Variants in GJB7 observed in about 807,000 individuals in gnomAD.
The protein encoded by GJB7 is gap junction beta-7 protein.
For synonymous variants in GJB7, 87 were observed against 95.2 expected (o/e 0.91, Z 0.50); for missense variants, 253 against 256.8 (o/e 0.99, Z 0.10).
In GJB7 at chr6:87,284,029, C is replaced by T. The variant is rs1776015261; in HGVS notation, c.*212G>A. 1 of 533,110 alleles carries T rather than the reference C, an allele frequency of 1.9e-6. No homozygotes were observed. Among genetic ancestry groups the T allele is most frequent in the African/African-American group, 1.9e-5 (1 of 53,068 alleles). 33.0% of individuals were successfully genotyped at this position (533,110 alleles called of 1,614,324 possible). ...TATTGACAATGTAAAAAAATTCCTC[C>T]CAAATGATACTAAGGCTGATGTGCT... On this transcript the variant is annotated 3_prime_UTR_variant, in exon 3 of 3. Transcript: ENST00000525899.
intron 2 of GJB7, among the ~76,000 whole-genome samples, chr6:87,302,672 A>G (rs1184972438): frequency 1.3e-5 from 2 of 152,230 alleles, no homozygotes; most frequent in East Asian, 3.9e-4. Flanking sequence ...CAGGAAATAC[A>G]GAGAATGCCA....
chr6:87,315,441 A>G (rs1776566390), intron 2 of GJB7, among the ~76,000 whole-genome samples: 2 of 152,342 alleles, frequency 1.3e-5, no homozygotes, highest in South Asian at 2.1e-4. Context: ...TTAACAGGAT[A>G]GAAACCTGGA....
chr6:87,320,308 A>T (rs1776637625), intron 2 of GJB7, among the ~76,000 whole-genome samples: 1 of 152,338 alleles, frequency 6.6e-6, no homozygotes, highest in Admixed American at 6.5e-5. Flanking sequence ...AATATTAAAA[A>T]TTTTTAAAAA....
intron 1 of GJB7, among the ~76,000 whole-genome samples, chr6:87,324,857 G>C (rs996012806): frequency 6.6e-6 from 1 of 152,142 alleles, no homozygotes; most frequent in Non-Finnish European, 1.5e-5. Flanking sequence ...AAATTACCTT[G>C]GGCAGTATGG....
intron 1 of GJB7, among the ~76,000 whole-genome samples, chr6:87,327,261 A>T (rs1462141713): frequency 6.8e-6 from 1 of 146,854 alleles, no homozygotes; most frequent in South Asian, 2.2e-4. Context: ...CATTTAGTCC[A>T]TTTACATTTA....
At chr6:87,326,601 T>G (rs1459096954) in intron 1 of GJB7, among the ~76,000 whole-genome samples, 1 of 148,284 alleles carries the variant, frequency 6.7e-6, no homozygotes, top group Non-Finnish European at 1.5e-5. Context: ...TAATCCTGAG[T>G]TCTAGTTTGA....
intron 2 of GJB7, among the ~76,000 whole-genome samples, chr6:87,301,510 G>T (rs935659989): frequency 1.3e-5 from 2 of 152,182 alleles, no homozygotes; most frequent in Non-Finnish European, 2.9e-5. Context: ...TGAGGCTTGA[G>T]TAGGTAAACA....
chr6:87,322,174 G>A (rs1329278968), intron 2 of GJB7: 4 of 152,110 alleles, frequency 2.6e-5, no homozygotes, highest in Admixed American at 2.6e-4. Context: ...CTAACGTAAT[G>A]GCAGAGTATT....
chr6:87,303,298 C>G (rs916154649), intron 2 of GJB7, among the ~76,000 whole-genome samples: 1 of 152,058 alleles, frequency 6.6e-6, no homozygotes, highest in Non-Finnish European at 1.5e-5. Flanking sequence ...CATGCAGAGA[C>G]ACACATACGC....
chr6:87,318,031 A>G (rs1776607197), intron 2 of GJB7, among the ~76,000 whole-genome samples: 1 of 152,134 alleles, frequency 6.6e-6, no homozygotes. Context: ...ACCTGACATG[A>G]AAAGTATTAA....
At chr6:87,299,413 G>C (rs1776289843) in intron 2 of GJB7, 1 of 483,634 alleles carries the variant, frequency 2.1e-6, no homozygotes, top group African/African-American at 2.0e-5. Flanking sequence ...GTTTGATTGA[G>C]GCTATATTTC....
chr6:87,328,707 T>C (rs1342424143), intron 1 of GJB7, among the ~76,000 whole-genome samples: 1 of 152,202 alleles, frequency 6.6e-6, no homozygotes, highest in Non-Finnish European at 1.5e-5. Context: ...GTCTTTTTGT[T>C]TGTCTGTGCC....
At chr6:87,293,445 G>GTTTTGT (rs1165038414) in intron 2 of GJB7, among the ~76,000 whole-genome samples, 1 of 151,662 alleles carries the variant, frequency 6.6e-6, no homozygotes. Flanking sequence ...CTGGGTTTTT[G>GTTTTGT]TTTTGTTTTT....
At chr6:87,326,737 T>A (rs2127916875) in intron 1 of GJB7, among the ~76,000 whole-genome samples, 1 of 123,236 alleles carries the variant, frequency 8.1e-6, no homozygotes, top group Middle Eastern at 3.7e-3. Flanking sequence ...AAAAAATGTA[T>A]ATTCTGTTGA....
rs545942177 is a variant in GJB7, at chr6:87,301,471, G to A, written c.-27-16532C>T. On this transcript the variant is annotated intron_variant, in intron 2 of 2. Coordinates refer to ENST00000525899, the MANE Select transcript of GJB7 (RefSeq NM_198568.3). ...TGAGATTAAACTGTAAGGCAGCAGCGAGGGTGGGGGATGGGCGCCCGCCAT... is the reference window on the plus strand; with the variant it reads ...TGAGATTAAACTGTAAGGCAGCAGCAAGGGTGGGGGATGGGCGCCCGCCAT... Among the ~76,000 whole-genome samples the A allele has an allele frequency of 8.5e-5, 13 of 152,278 alleles. No homozygotes were observed. The South Asian group carries it at 2.5e-3, about 29-fold the overall frequency.
intron 2 of GJB7, among the ~76,000 whole-genome samples, chr6:87,285,850 T>A (rs531856775): frequency 1.6e-4 from 25 of 152,342 alleles, no homozygotes; most frequent in African/African-American, 6.0e-4. Flanking sequence ...GTCTAGTTTT[T>A]CTGCTCATCA....
At chr6:87,286,034 G>A (rs904992670) in intron 2 of GJB7, among the ~76,000 whole-genome samples, 3 of 152,006 alleles carry the variant, frequency 2.0e-5, no homozygotes, top group Non-Finnish European at 2.9e-5. Flanking sequence ...CTTGTTTCAC[G>A]CCTCCTGATT....
intron 2 of GJB7, among the ~76,000 whole-genome samples, chr6:87,287,447 G>A (rs1052256710): frequency 6.6e-6 from 1 of 152,190 alleles, no homozygotes; most frequent in African/African-American, 2.4e-5. Context: ...AGAGCCCTGA[G>A]AAGGCAAATG....
chr6:87,304,826 G>C (rs187531585), intron 2 of GJB7, among the ~76,000 whole-genome samples: 1 of 152,028 alleles, frequency 6.6e-6, no homozygotes, highest in African/African-American at 2.4e-5. Context: ...GCTTATCAAC[G>C]ATGATCAAGT....
Sources: allele counts gnomAD v4.1 joint callset (sites outside exome capture counted in the v4.1 genomes callset), GRCh38; gene constraint gnomAD v4.1.1; transcripts MANE v1.5; gene names NCBI Gene and HGNC (gene_info 2026-07-23, HGNC 2026-07-21).